PDE1C: variants seen among roughly 807,000 people sequenced by gnomAD.
The protein encoded by PDE1C is phosphodiesterase 1C.
A neutral mutation model predicts 93.1 loss-of-function variants in PDE1C; 62 were observed. The ratio of observed to expected loss-of-function variants is 0.67; its 90% CI spans 0.54 to 0.82. PDE1C has a LOEUF of 0.82. Among genes scored for constraint, PDE1C ranks in the 40% least tolerant of loss-of-function variants. The probability of loss-of-function intolerance (pLI) is 0.00; values close to 1 mark genes in which losing one functional copy is unlikely to be tolerated. For synonymous variants in PDE1C, 325 were observed against 310.1 expected (o/e 1.05, Z -0.50); for missense variants, 742 against 884.6 (o/e 0.84, Z 2.04).
intron 1 of PDE1C, among the ~76,000 whole-genome samples, chr7:32,336,890 A>G (rs575226419): frequency 2.3e-4 from 35 of 152,298 alleles, no homozygotes; most frequent in African/African-American, 8.2e-4. Context: ...TCAACAAGTA[A>G]TATTGAACAA....
chr7:31,620,377 C>T, the PDE1C span, among the ~76,000 whole-genome samples: 1 of 151,966 alleles, frequency 6.6e-6, no homozygotes, highest in Non-Finnish European at 1.5e-5. Flanking sequence ...GGCAGATTGA[C>T]ACCTCACACG....
chr7:32,096,846 G>GATAGATAC (rs1476046973), intron 3 of PDE1C, among the ~76,000 whole-genome samples: 2 of 151,426 alleles, frequency 1.3e-5, no homozygotes, highest in African/African-American at 4.9e-5. Context: ...TAGATAGATA[G>GATAGATAC]ATAGATAGAT....
the PDE1C span, among the ~76,000 whole-genome samples, chr7:31,619,997 G>A: frequency 8.5e-5 from 13 of 152,300 alleles, no homozygotes; most frequent in South Asian, 4.1e-4. Context: ...ACGGAGTCTC[G>A]CTGATTGCTA....
At chr7:32,231,503 A>C (rs1807687298) in intron 1 of PDE1C, among the ~76,000 whole-genome samples, 1 of 152,236 alleles carries the variant, frequency 6.6e-6, no homozygotes, top group African/African-American at 2.4e-5. Context: ...ATACCACTAA[A>C]GAAATTAAAT....
At chr7:31,877,476 A>C (rs1796734452) in intron 5 of PDE1C, among the ~76,000 whole-genome samples, 1 of 152,112 alleles carries the variant, frequency 6.6e-6, no homozygotes, top group African/African-American at 2.4e-5. Flanking sequence ...AACATTACTA[A>C]GAGCTTACCA....
chr7:31,772,846 G>C (rs1795588910), intron 17 of PDE1C, among the ~76,000 whole-genome samples: 1 of 152,192 alleles, frequency 6.6e-6, no homozygotes, highest in South Asian at 2.1e-4. Context: ...ATCTATTGGT[G>C]GTCATTCAGA....
At chr7:31,748,341 A>G (rs1195621798), downstream of PDE1C, among the ~76,000 whole-genome samples, 1 of 152,220 alleles carries the variant, frequency 6.6e-6, no homozygotes, top group African/African-American at 2.4e-5. Context: ...TAAAAGGGCA[A>G]TGACCATACA....
chr7:32,342,483 T>A (rs1783777694), intron 1 of PDE1C, among the ~76,000 whole-genome samples: 1 of 152,226 alleles, frequency 6.6e-6, no homozygotes, highest in Non-Finnish European at 1.5e-5. Context: ...ACATCTAAAG[T>A]GATATGTTTT....
intron 7 of PDE1C, among the ~76,000 whole-genome samples, chr7:31,858,143 G>A (rs955205523): frequency 6.6e-6 from 1 of 152,156 alleles, no homozygotes; most frequent in Non-Finnish European, 1.5e-5. Flanking sequence ...AGACAGAAGA[G>A]AAAACAGACA....
At chr7:31,774,152 T>G (rs1456443087) in intron 17 of PDE1C, among the ~76,000 whole-genome samples, 1 of 151,274 alleles carries the variant, frequency 6.6e-6, no homozygotes, top group African/African-American at 2.4e-5. Flanking sequence ...GAAAAAAAAA[T>G]GCTGCTAATT....
intron 1 of PDE1C, among the ~76,000 whole-genome samples, chr7:32,414,592 A>T (rs1241603732): frequency 6.6e-6 from 1 of 152,210 alleles, no homozygotes; most frequent in African/African-American, 2.4e-5. Context: ...CTGACATATT[A>T]AAAGAAGTTG....
the PDE1C span, among the ~76,000 whole-genome samples, chr7:31,623,564 C>A: frequency 6.6e-6 from 1 of 151,544 alleles, no homozygotes; most frequent in African/African-American, 2.4e-5. Context: ...ACCCTTCATA[C>A]TAAAAACTCT....
Position 31,822,939 on chromosome 7 carries a change from AG to A in PDE1C, c.1582+133del, listed in dbSNP as rs1344714772. On this transcript the variant is annotated intron_variant, in intron 14 of 17. Transcript: ENST00000396191. ...ATTCGTAGATATTATGAAGATCAAA[AG>A]ATGGTAGATTCTAATATTCGGCAAT... The A allele has an allele frequency of 3.3e-5, 24 of 718,712 alleles. No homozygotes were observed. The Admixed American group carries it at 4.1e-4, about 12-fold the overall frequency. The allele number at this position is 718,712 out of a possible 1,614,324, so 44.5% of individuals were successfully genotyped here.
intron 2 of PDE1C, chr7:31,941,720 T>C (rs1311350396): frequency 6.6e-6 from 1 of 152,264 alleles, no homozygotes; most frequent in Non-Finnish European, 1.5e-5. Flanking sequence ...AGTCAGGGAA[T>C]CTGGCTTCTA....
At position 31,775,678 on chromosome 7, in the gene PDE1C, C is replaced by T. The variant is rs761223379; in HGVS notation, c.1946G>A (p.Arg649His). 23 of 1,612,526 alleles carry T rather than the reference C, an allele frequency of 1.4e-5. No individual in the cohort carries two copies. The highest frequency in any genetic ancestry group is 1.6e-4 in the Middle Eastern group (1 of 6,084). The change falls in exon 17 of 18, where the codon CGC (arginine) becomes CAC (histidine). Residue 649 changes from arginine (R) to histidine (H), a missense_variant. Around this residue, in one of 4 missense-constraint regions of PDE1C, gnomAD observed 454 missense variants for 459.4 expected, o/e 0.99. Coordinates refer to ENST00000396191, the MANE Select transcript of PDE1C (RefSeq NM_001191057.4). ...SPAPSTSSTC[R>H]LTLPVIKPPL... ...TGTTTACCCACCTGGCAACGTAAGG[C>T]GACACGTGGAGCTGGTGCTTGGGGC... is the stretch of plus-strand genomic sequence containing the variant.
intron 2 of PDE1C, among the ~76,000 whole-genome samples, chr7:31,945,854 A>AT (rs1270108587): frequency 6.6e-6 from 1 of 151,754 alleles, no homozygotes; most frequent in Non-Finnish European, 1.5e-5. Flanking sequence ...GTTTTGTTCC[A>AT]TTTTTTTCCA....
chr7:31,989,457 G>A (rs1783886595), intron 2 of PDE1C, among the ~76,000 whole-genome samples: 1 of 152,062 alleles, frequency 6.6e-6, no homozygotes, highest in South Asian at 2.1e-4. Context: ...ATACATACAT[G>A]ATATATTATA....
Position 32,331,550 on chromosome 7 carries a change from T to C in PDE1C, c.310+96272A>G, listed in dbSNP as rs543116965. Among the ~76,000 whole-genome samples the C allele has an allele frequency of 2.0e-5, 3 of 152,252 alleles. No homozygotes were observed. The East Asian group carries it at 5.8e-4, about 29-fold the overall frequency. On this transcript the variant is annotated intron_variant, in intron 1 of 1. Transcript: ENST00000672256. ...TTGAAACAGTTCACTGTGGCTGCCA[T>C]GAAGAGTCTGGGTTGGAGGGGCAAG...
the PDE1C span, chr7:31,707,238 A>C: frequency 6.2e-7 from 1 of 1,614,002 alleles, no homozygotes; most frequent in Non-Finnish European, 8.5e-7. Context: ...GACCCAAAGC[A>C]ATCGTGGAAG....
Sources: allele counts gnomAD v4.1 joint callset (sites outside exome capture counted in the v4.1 genomes callset), GRCh38; gene constraint gnomAD v4.1.1; regional missense constraint gnomAD v4.1.1; transcripts MANE v1.5; gene names NCBI Gene and HGNC (gene_info 2026-07-23, HGNC 2026-07-21).